The following RAB30 variants were observed in gnomAD, a reference collection of about 807,000 sequenced individuals.
The protein encoded by RAB30 is RAB30, member RAS oncogene family.
Under a neutral mutation model 25.1 loss-of-function variants are expected in RAB30, and 9 were observed. The observed-to-expected ratio is 0.36, with a 90% CI of 0.22 to 0.63. RAB30 has a LOEUF of 0.63. Ranked by LOEUF, RAB30 falls within the 20% of genes least tolerant of loss-of-function variation. RAB30 has a pLI of 0.69. For missense variants in RAB30, 140 were observed against 243.5 expected, an observed-to-expected ratio of 0.58 and a Z score of 2.83; for synonymous variants, 77 against 86.4, an observed-to-expected ratio of 0.89 and a Z score of 0.60.
intron 1 of RAB30, among the ~76,000 whole-genome samples, chr11:83,012,705 T>C (rs1446031736): frequency 2.0e-5 from 3 of 152,180 alleles, no homozygotes; most frequent in East Asian, 3.8e-4. Flanking sequence ...AAAGAGGAAG[T>C]GCTCAGTAAA....
At chr11:83,015,571 CAGAG>C (rs1213431520) in intron 1 of RAB30, among the ~76,000 whole-genome samples, 1 of 152,064 alleles carries the variant, frequency 6.6e-6, no homozygotes, top group African/African-American at 2.4e-5. Context: ...TCTGAAGTTC[CAGAG>C]AGAGAGTCTG....
Position 82,997,364 on chromosome 11 carries a change from C to T in RAB30, c.-8-40G>A, listed in dbSNP as rs781500810. The T allele has an allele frequency of 9.3e-6, 13 of 1,392,230 alleles. No homozygotes were observed. In the South Asian group the frequency reaches 1.5e-4, roughly 16 times the overall value. The allele number at this position is 1,392,230 out of a possible 1,614,324, so 86.2% of individuals were successfully genotyped here. A position where few individuals can be genotyped will look rare whatever the true frequency, so the allele number is the denominator to read the frequency against. ...CAGGCAAAAGTGAGAAAGGCCCAGT[C>T]AGACTTGCCCACAGAGCTCAAGCTG... is the stretch of plus-strand genomic sequence containing the variant. On this transcript the variant is annotated intron_variant, in intron 1 of 4. Transcript: ENST00000527633.
At chr11:83,015,480 T>C (rs930975544) in intron 1 of RAB30, among the ~76,000 whole-genome samples, 1 of 152,070 alleles carries the variant, frequency 6.6e-6, no homozygotes, top group Non-Finnish European at 1.5e-5. Context: ...AAAACTGAGA[T>C]TGGAGTGGAG....
chr11:83,048,791 C>G (rs1452927313), intron 1 of RAB30, among the ~76,000 whole-genome samples: 1 of 152,226 alleles, frequency 6.6e-6, no homozygotes, highest in Non-Finnish European at 1.5e-5. Flanking sequence ...AGGAAAGGTC[C>G]TGTCGTGGCT....
rs924310306 is a variant in RAB30, at chr11:82,973,644, A to C, written c.*8521T>G. On this transcript the variant is annotated 3_prime_UTR_variant, in exon 5 of 5. Transcript: ENST00000527633. ...TATTGGGGAGTTAGTCTTTATTCAG[A>C]GGTCTCCTAATTGATCAATTAAACT... 56 of 152,170 alleles carry C rather than the reference A, an allele frequency of 3.7e-4. 1 individual carries two copies. Among genetic ancestry groups the C allele is most frequent in the Admixed American group, 3.6e-3 (55 of 15,284 alleles). The allele number at this position is 152,170 out of a possible 1,614,324, so 9.4% of individuals were successfully genotyped here. A position where few individuals can be genotyped will look rare whatever the true frequency, so the allele number is the denominator to read the frequency against.
At position 83,030,497 on chromosome 11, in the gene RAB30, C is replaced by CA. The variant is rs1053115983; in HGVS notation, c.-8-33174dup. 1.8e-4 allele frequency among the ~76,000 whole-genome samples: 27 copies of CA among 151,444 alleles called. 1 individual carries two copies. The highest frequency in any genetic ancestry group is 3.4e-3 in the Middle Eastern group (1 of 294). On this transcript the variant is annotated intron_variant, in intron 1 of 4. Coordinates refer to ENST00000527633, the MANE Select transcript of RAB30 (RefSeq NM_001286060.2). Reference sequence around the variant, plus strand: ...TGAGAAACAAAGCAAGACCCTGTCTCAAAAAAAAGTCTTTTTTTGGCTGCG... The same window carrying CA: ...TGAGAAACAAAGCAAGACCCTGTCTCAAAAAAAAAGTCTTTTTTTGGCTGCG...
At chr11:83,013,175 C>T (rs1857341534) in intron 1 of RAB30, among the ~76,000 whole-genome samples, 2 of 152,152 alleles carry the variant, frequency 1.3e-5, no homozygotes, top group Non-Finnish European at 2.9e-5. Context: ...CCTCCGCCTC[C>T]TGGGTTCAAT....
chr11:83,022,023 A>G (rs1409564640), intron 1 of RAB30, among the ~76,000 whole-genome samples: 1 of 152,226 alleles, frequency 6.6e-6, no homozygotes, highest in Non-Finnish European at 1.5e-5. Flanking sequence ...TTAATTAAGT[A>G]CTTCTTGGTT....
chr11:83,019,374 AGTGAAGATG>A lies in RAB30; in HGVS notation c.-8-22059_-8-22051del, dbSNP rs1239662945. Among the ~76,000 whole-genome samples the A allele has an allele frequency of 5.3e-5, 8 of 152,194 alleles. No individual in the cohort carries two copies. The East Asian group carries it at 1.5e-3, about 29-fold the overall frequency. On this transcript the variant is annotated intron_variant, in intron 1 of 4. Transcript: ENST00000527633. ...CAACTATGTATTTATGTTCAGCAAA[AGTGAAGATG>A]GAAATTAAGGTACAGGTCATTTTGT...
intron 1 of RAB30, among the ~76,000 whole-genome samples, chr11:83,058,915 T>G (rs1263231776): frequency 1.3e-5 from 2 of 152,218 alleles, no homozygotes; most frequent in African/African-American, 4.8e-5. Flanking sequence ...TCCCTCTGTC[T>G]CCTGACCAGC....
chr11:83,062,576 C>A (rs1396805872), intron 1 of RAB30, among the ~76,000 whole-genome samples: 1 of 152,208 alleles, frequency 6.6e-6, no homozygotes, highest in Non-Finnish European at 1.5e-5. Flanking sequence ...TATGAACTTG[C>A]TCAGTTTGAG....
At chr11:83,021,058 C>T (rs981299395) in intron 1 of RAB30, among the ~76,000 whole-genome samples, 15 of 152,126 alleles carry the variant, frequency 9.9e-5, no homozygotes, top group African/African-American at 2.7e-4. Flanking sequence ...CTATCCTCTC[C>T]GCTAGGAGTT....
At chr11:83,054,551 T>TAAC (rs1267712821) in intron 1 of RAB30, among the ~76,000 whole-genome samples, 1 of 151,820 alleles carries the variant, frequency 6.6e-6, no homozygotes, top group Non-Finnish European at 1.5e-5. Flanking sequence ...AAAACAACAT[T>TAAC]AACAACAACA....
At chr11:83,023,634 T>C (rs982673143) in intron 1 of RAB30, among the ~76,000 whole-genome samples, 6 of 152,152 alleles carry the variant, frequency 3.9e-5, no homozygotes, top group African/African-American at 1.4e-4. Context: ...GGCTAATACA[T>C]ATCCAAAACA....
intron 1 of RAB30, among the ~76,000 whole-genome samples, chr11:83,033,921 C>T (rs981139138): frequency 2.0e-5 from 3 of 152,022 alleles, no homozygotes; most frequent in African/African-American, 7.2e-5. Flanking sequence ...ATAATCAGAT[C>T]AGGCCATTTT....
At position 82,977,936 on chromosome 11, in the gene RAB30, A is replaced by AT. The variant is rs1856572550; in HGVS notation, c.*4228dup. The AT allele has an allele frequency of 6.6e-6, 1 of 152,224 alleles. No individual in the cohort carries two copies. Among genetic ancestry groups the AT allele is most frequent in the Non-Finnish European group, 1.5e-5 (1 of 68,040 alleles). 9.4% of individuals were successfully genotyped at this position (152,224 alleles called of 1,614,324 possible). A position where few individuals can be genotyped will look rare whatever the true frequency, so the allele number is the denominator to read the frequency against. On this transcript the variant is annotated 3_prime_UTR_variant, in exon 5 of 5. Transcript: ENST00000527633. Reference sequence around the variant, plus strand: ...TATGAAAAAATTACCAGTGTGAAGAATGTAAAGGAAGGCATCTTTCCTTCC... The same window carrying AT: ...TATGAAAAAATTACCAGTGTGAAGAATTGTAAAGGAAGGCATCTTTCCTTCC...
intron 1 of RAB30, among the ~76,000 whole-genome samples, chr11:83,031,097 G>T (rs1201351866): frequency 6.6e-6 from 1 of 152,210 alleles, no homozygotes; most frequent in Non-Finnish European, 1.5e-5. Context: ...GCAAGCCAAG[G>T]AGAGAGGCCT....
chr11:83,056,049 T>A (rs184686326), intron 1 of RAB30, among the ~76,000 whole-genome samples: 1 of 152,300 alleles, frequency 6.6e-6, no homozygotes, highest in African/African-American at 2.4e-5. Context: ...AACATAAAAT[T>A]TACCATCTTA....
Position 83,000,869 on chromosome 11 carries a change from G to A in RAB30, c.-8-3545C>T, listed in dbSNP as rs555591027. 1.9e-4 allele frequency among the ~76,000 whole-genome samples: 24 copies of A among 126,132 alleles called. 1 individual carries two copies. The highest frequency in any genetic ancestry group is 1.5e-3 in the East Asian group (7 of 4,734). The allele number at this position is 126,132 out of a possible 152,430, so 82.7% of individuals were successfully genotyped here. A position where few individuals can be genotyped will look rare whatever the true frequency, so the allele number is the denominator to read the frequency against. ...GAGATCGAGACCACGGTGAAACCCC[G>A]TCTCTACTAAAAAAAAAAATACAAA... On this transcript the variant is annotated intron_variant, in intron 1 of 4. Coordinates refer to ENST00000527633, the MANE Select transcript of RAB30 (RefSeq NM_001286060.2).
Sources: allele counts gnomAD v4.1 joint callset (sites outside exome capture counted in the v4.1 genomes callset), GRCh38; gene constraint gnomAD v4.1.1; transcripts MANE v1.5; gene names NCBI Gene and HGNC (gene_info 2026-07-23, HGNC 2026-07-21).